COL23A1: variants seen among roughly 807,000 people sequenced by gnomAD.
COL23A1 encodes the protein collagen alpha-1(XXIII) chain.
Under a neutral mutation model 99.3 loss-of-function variants are expected in COL23A1, and 97 were observed. The observed-to-expected ratio is 0.98, with a 90% CI of 0.83 to 1.16. The LOEUF (loss-of-function observed/expected upper bound fraction) is 1.16, where lower values mean the gene tolerates loss of function less well. Ranked by LOEUF, COL23A1 falls within the 50% of genes most tolerant of loss-of-function variation. The pLI, the probability that COL23A1 is intolerant of heterozygous loss-of-function variation, is 0.00. For missense variants in COL23A1, 762 were observed against 757.4 expected, an observed-to-expected ratio of 1.01 and a Z score of -0.07; for synonymous variants, 320 against 308.2, an observed-to-expected ratio of 1.04 and a Z score of -0.40.
Position 178,546,603 on chromosome 5 carries a change from C to T in COL23A1, c.361+14079G>A, listed in dbSNP as rs575278599. Among the ~76,000 whole-genome samples, 15 of 152,252 alleles carry T rather than the reference C, an allele frequency of 9.9e-5. 1 individual carries two copies. In the South Asian group the frequency reaches 2.7e-3, roughly 27 times the overall value. On this transcript the variant is annotated intron_variant, in intron 2 of 28. Transcript: ENST00000390654. ...TGACGCGCCACTAACACTTACTGGA[C>T]GATGAGGTAAAAGGACTGAGGGTTC...
At chr5:178,503,003 G>A (rs1758657768) in intron 2 of COL23A1, among the ~76,000 whole-genome samples, 1 of 152,216 alleles carries the variant, frequency 6.6e-6, no homozygotes, top group African/African-American at 2.4e-5. Flanking sequence ...GACGAGCACA[G>A]TCAGGAACGT....
chr5:178,290,411 C>G (rs755634564), intron 3 of COL23A1, 42 bp from the exon 4 acceptor site: 1 of 1,613,966 alleles, frequency 6.2e-7, no homozygotes, highest in Non-Finnish European at 8.5e-7. Context: ...GTGTGGAAGG[C>G]AGAGTCCCCT....
chr5:178,585,314 T>C (rs549393620), intron 1 of COL23A1, among the ~76,000 whole-genome samples: 25 of 151,600 alleles, frequency 1.6e-4, no homozygotes, highest in Admixed American at 7.9e-4. Context: ...CGGCTGACCC[T>C]GGGGTAACAC....
chr5:178,546,981 C>T (rs1223011647), intron 2 of COL23A1, among the ~76,000 whole-genome samples: 1 of 152,148 alleles, frequency 6.6e-6, no homozygotes, highest in African/African-American at 2.4e-5. Context: ...GGAAGCCGCT[C>T]GCATGCAGAG....
chr5:178,584,454 G>C (rs1340603154), intron 1 of COL23A1, among the ~76,000 whole-genome samples: 3 of 151,920 alleles, frequency 2.0e-5, no homozygotes, highest in African/African-American at 7.3e-5. Flanking sequence ...CACCCACCTT[G>C]GTCCCCCAAA....
chr5:178,262,333 G>C (rs928504190), intron 9 of COL23A1, 81 bp from the exon 10 acceptor site: 1 of 1,362,160 alleles, frequency 7.3e-7, no homozygotes, highest in African/African-American at 1.5e-5. Flanking sequence ...CAGACCCCGG[G>C]CTGGGGCTCT....
intron 17 of COL23A1, among the ~76,000 whole-genome samples, chr5:178,251,317 G>C (rs56132777): frequency 2.0e-5 from 3 of 151,946 alleles, no homozygotes; most frequent in Non-Finnish European, 4.4e-5. Flanking sequence ...CACCGTGCCC[G>C]GCCGCAAGAT....
chr5:178,262,235 G>A lies in COL23A1; in HGVS notation c.657C>T (p.Pro219=), dbSNP rs776542610. 3.6e-5 allele frequency: 57 copies of A among 1,583,518 alleles called. No homozygotes were observed. The highest frequency in any genetic ancestry group is 1.1e-4 in the Admixed American group (6 of 55,012). ...AQGPAGPKGE[P]GQDGEMGPKG... is the part of the protein sequence containing the mutation. ...TACTGACCATCTCGCCGTCTTGTCCGGGCTCTCCTTTGGGGCCCTGCGGAA... is the reference window on the plus strand; with the variant it reads ...TACTGACCATCTCGCCGTCTTGTCCAGGCTCTCCTTTGGGGCCCTGCGGAA... Residue 219 remains proline (P), a synonymous_variant, in exon 10 of 29, where the codon CCC becomes CCT. Transcript: ENST00000390654.
At chr5:178,500,424 C>CCAA (rs1554184902) in intron 2 of COL23A1, among the ~76,000 whole-genome samples, 4,884 of 65,858 alleles carry the variant, frequency 0.074, 441 homozygotes, top group African/African-American at 0.21. Context: ...CCCATCTCTA[C>CCAA]AAAAAAAAAA....
chr5:178,423,906 G>A (rs936362754), intron 2 of COL23A1, among the ~76,000 whole-genome samples: 1 of 152,200 alleles, frequency 6.6e-6, no homozygotes, highest in African/African-American at 2.4e-5. Context: ...CATGGTAGCT[G>A]TGGCCCCTCA....
At chr5:178,568,268 A>T (rs1762929573) in intron 1 of COL23A1, among the ~76,000 whole-genome samples, 1 of 152,216 alleles carries the variant, frequency 6.6e-6, no homozygotes, top group Non-Finnish European at 1.5e-5. Context: ...GCACAATCAA[A>T]TGCAACGTGT....
intron 2 of COL23A1, among the ~76,000 whole-genome samples, chr5:178,495,848 C>A (rs575938880): frequency 6.6e-6 from 1 of 152,264 alleles, no homozygotes; most frequent in South Asian, 2.1e-4. Flanking sequence ...AGCACCTTCC[C>A]TATATTGAGT....
intron 2 of COL23A1, among the ~76,000 whole-genome samples, chr5:178,432,984 A>G (rs553822846): frequency 7.2e-5 from 11 of 152,160 alleles, no homozygotes; most frequent in African/African-American, 2.7e-4. Flanking sequence ...GACTGCTGAG[A>G]CCATGGTAGC....
chr5:178,240,810 C>T (rs1228230358), intron 27 of COL23A1, among the ~76,000 whole-genome samples: 1 of 152,244 alleles, frequency 6.6e-6, no homozygotes. Context: ...GGCCGGCCTG[C>T]ACACATCCCC....
intron 2 of COL23A1, among the ~76,000 whole-genome samples, chr5:178,383,926 A>G (rs1324428529): frequency 6.6e-6 from 1 of 152,134 alleles, no homozygotes; most frequent in Non-Finnish European, 1.5e-5. Flanking sequence ...AGAAAAAGAT[A>G]GACATGAATG....
At chr5:178,484,353 A>G (rs1757496258) in intron 2 of COL23A1, among the ~76,000 whole-genome samples, 1 of 152,270 alleles carries the variant, frequency 6.6e-6, no homozygotes, top group Non-Finnish European at 1.5e-5. Flanking sequence ...AAGAACGAAG[A>G]TTGGGTGTCC....
chr5:178,290,680 C>T (rs1561831182), intron 3 of COL23A1, among the ~76,000 whole-genome samples: 1 of 152,182 alleles, frequency 6.6e-6, no homozygotes, highest in African/African-American at 2.4e-5. Flanking sequence ...GAACATGTTC[C>T]TACTTAAAGG....
At chr5:178,421,185 G>T (rs1765616104) in intron 2 of COL23A1, among the ~76,000 whole-genome samples, 1 of 152,106 alleles carries the variant, frequency 6.6e-6, no homozygotes, top group Admixed American at 6.5e-5. Flanking sequence ...AGTAAAAACG[G>T]TCATGATTTG....
At chr5:178,239,034 A>AGACACCCAGAGGTTTGAGTGAC in intron 28 of COL23A1, 107 bp downstream of exon 28, 1 of 1,268,116 alleles carries the variant, frequency 7.9e-7, no homozygotes, top group Non-Finnish European at 1.2e-6. Context: ...GAGAAGCCGC[A>AGACACCCAGAGGTTTGAGTGAC]GACACCCAGA....
Sources: gnomAD v4.1 joint callset for allele counts (sites outside exome capture counted in the v4.1 genomes callset) on GRCh38, gnomAD v4.1.1 for gene constraint, MANE v1.5 for transcripts, NCBI Gene and HGNC (gene_info 2026-07-23, HGNC 2026-07-21) for gene names.